The following P2RX1 variants were observed in gnomAD, a reference collection of about 807,000 sequenced individuals.
P2RX1 encodes purinergic receptor P2X 1, also known as P2X purinoceptor 1.
P2RX1 carries 42 observed loss-of-function variants against 50.3 expected under a neutral mutation model. The observed-to-expected ratio is 0.83, with a 90% CI of 0.65 to 1.08. P2RX1 has a LOEUF of 1.08. Ranked by LOEUF, P2RX1 falls within the 50% of genes least tolerant of loss-of-function variation. P2RX1 has a pLI of 0.00. For missense variants in P2RX1, 449 were observed against 529.0 expected, an observed-to-expected ratio of 0.85 and a Z score of 1.48; for synonymous variants, 199 against 202.6, an observed-to-expected ratio of 0.98 and a Z score of 0.15.
intron 3 of P2RX1, 26 bp from the exon 4 acceptor site, chr17:3,904,425 C>A (rs772300409): frequency 6.2e-7 from 1 of 1,607,020 alleles, no homozygotes; most frequent in East Asian, 2.2e-5. Flanking sequence ...GCTGCTGGTC[C>A]CAGGCCCCTT....
intron 1 of P2RX1, among the ~76,000 whole-genome samples, chr17:3,909,035 G>A (rs1157157824): frequency 6.6e-6 from 1 of 151,720 alleles, no homozygotes; most frequent in Non-Finnish European, 1.5e-5. Context: ...GCTTCTATGA[G>A]TTCTTTTTTT....
chr17:3,903,764 G>T lies in P2RX1; in HGVS notation c.525-133C>A, dbSNP rs2056201780. 3.6e-6 allele frequency: 4 copies of T among 1,124,952 alleles called. No individual in the cohort carries two copies. In the Admixed American group the frequency reaches 5.5e-5, roughly 16 times the overall value. The allele number at this position is 1,124,952 out of a possible 1,614,324, so 69.7% of individuals were successfully genotyped here. A position where few individuals can be genotyped will look rare whatever the true frequency, so the allele number is the denominator to read the frequency against. Reference sequence around the variant, plus strand: ...CAGCCCTGGGCTGGTGGAGGGGTGGGTGTGCTCTAGCGTGGCCAGGACCCA... The same window carrying T: ...CAGCCCTGGGCTGGTGGAGGGGTGGTTGTGCTCTAGCGTGGCCAGGACCCA... On this transcript the variant is annotated intron_variant, in intron 5 of 11. Transcript: ENST00000225538. The surrounding 1 kb of genome is among the most constrained non-coding windows in gnomAD (Gnocchi z 4.6).
chr17:3,904,492 TG>T, intron 3 of P2RX1, 93 bp from the exon 4 acceptor site: 1 of 1,094,512 alleles, frequency 9.1e-7, no homozygotes, highest in Non-Finnish European at 1.4e-6. Flanking sequence ...AGGGAGAGCG[TG>T]GGGCAGAGTC....
At chr17:3,900,547 TG>T (rs2056119515) in intron 7 of P2RX1, among the ~76,000 whole-genome samples, 1 of 152,176 alleles carries the variant, frequency 6.6e-6, no homozygotes, top group East Asian at 1.9e-4. Context: ...TCACCCTCAC[TG>T]GCCTTCCCTC....
intron 3 of P2RX1, 39 bp from the exon 4 acceptor site, chr17:3,904,438 G>A (rs1338215448): frequency 4.4e-6 from 7 of 1,584,064 alleles, no homozygotes; most frequent in African/African-American, 1.3e-5. Context: ...GGCCCCTTGG[G>A]TGGGGTCCTG....
At chr17:3,898,416 G>A (rs2056073196) in intron 10 of P2RX1, 68 bp downstream of exon 10, 1 of 1,255,202 alleles carries the variant, frequency 8.0e-7, no homozygotes, top group South Asian at 1.2e-5. Context: ...GGGACGTCTT[G>A]CTGCTACTGA....
Position 3,898,951 on chromosome 17 carries a change from T to C in P2RX1, c.949A>G (p.Ile317Val), listed in dbSNP as rs755892151. 1.9e-6 allele frequency: 3 copies of C among 1,613,718 alleles called. No individual in the cohort carries two copies. Among genetic ancestry groups the C allele is most frequent in the Non-Finnish European group, 2.5e-6 (3 of 1,179,778 alleles). ...ACACTCACCTTGCCGTCCACCAGGA[T>C]GTCAAAGCGAATCCCAAACACCTTG... ...LFKVFGIRFD[I>V]LVDGKAGKFD... Residue 317 changes from isoleucine (I) to valine (V), a missense_variant, in exon 9 of 12, where the codon ATC becomes GTC. Ile to Val is a conservative substitution (Grantham distance 29, BLOSUM62 3). Transcript: ENST00000225538.
intron 1 of P2RX1, chr17:3,915,454 T>G (rs1437825254): frequency 4.4e-6 from 2 of 456,476 alleles, no homozygotes; most frequent in Admixed American, 4.7e-5. Flanking sequence ...CGTCCCACGC[T>G]GCCTCTGATT....
chr17:3,907,088 T>C (rs1413757169), intron 1 of P2RX1, among the ~76,000 whole-genome samples: 1 of 152,244 alleles, frequency 6.6e-6, no homozygotes, highest in Non-Finnish European at 1.5e-5. Context: ...TTTGAGCACC[T>C]GGATTCAGCC....
chr17:3,915,361 C>T, intron 1 of P2RX1: 1 of 430,454 alleles, frequency 2.3e-6, no homozygotes, highest in Non-Finnish European at 4.7e-6. Flanking sequence ...CACATATAGG[C>T]ACAGAGCTCC....
At chr17:3,900,585 T>A (rs924197595) in intron 7 of P2RX1, among the ~76,000 whole-genome samples, 1 of 152,216 alleles carries the variant, frequency 6.6e-6, no homozygotes, top group African/African-American at 2.4e-5. Context: ...TCCAGCTCTC[T>A]GACCATTTCT....
Position 3,906,743 on chromosome 17 carries a change from G to T in P2RX1, c.138-1376C>A, listed in dbSNP as rs368370830. 2.8e-4 allele frequency among the ~76,000 whole-genome samples: 43 copies of T among 152,306 alleles called. No individual in the cohort carries two copies. The South Asian group carries it at 5.4e-3, about 19-fold the overall frequency. ...CGTTCCTTTGGATTCTCCACTTTCA[G>T]TCTGGAAGGTTCCATGAGGCTAACC... On this transcript the variant is annotated intron_variant, in intron 1 of 11. Transcript: ENST00000225538.
At chr17:3,898,888 CT>C in intron 9 of P2RX1, 45 bp downstream of exon 9, 1 of 1,457,458 alleles carries the variant, frequency 6.9e-7, no homozygotes, top group East Asian at 2.3e-5. Flanking sequence ...CTCACAGGAG[CT>C]GAGAATGTGT....
rs921141864 is a variant in P2RX1 at position 3,903,010 on chromosome 17, C to T, written c.747+192G>A. Among the ~76,000 whole-genome samples the T allele has an allele frequency of 6.6e-6, 1 of 151,948 alleles. No individual in the cohort carries two copies. Among genetic ancestry groups the T allele is most frequent in the South Asian group, 2.1e-4 (1 of 4,824 alleles). On this transcript the variant is annotated intron_variant, in intron 7 of 11. Coordinates refer to ENST00000225538, the MANE Select transcript of P2RX1 (RefSeq NM_002558.4). This position sits in a 1 kb window ranked among gnomAD's most constrained non-coding sequence, Gnocchi z 4.6. ...ATCCGTTCATTCTGGGCACCTCCTT[C>T]GTGCCAGTTCCATGCCAGGACCTGC...
At chr17:3,899,562 T>C in intron 8 of P2RX1, 72 bp downstream of exon 8, 2 of 1,590,642 alleles carry the variant, frequency 1.3e-6, no homozygotes, top group East Asian at 2.3e-5. Context: ...TTCTCAGACC[T>C]GAAGTGTTCT....
At chr17:3,901,270 T>C (rs2056137446) in intron 7 of P2RX1, among the ~76,000 whole-genome samples, 1 of 152,204 alleles carries the variant, frequency 6.6e-6, no homozygotes, top group Non-Finnish European at 1.5e-5. Context: ...GGTTTCACCG[T>C]GTTAGCCAGG....
intron 1 of P2RX1, among the ~76,000 whole-genome samples, chr17:3,905,838 A>C (rs2056252429): frequency 7.4e-6 from 1 of 135,232 alleles, no homozygotes; most frequent in Non-Finnish European, 1.6e-5. Flanking sequence ...CAAGAGCAAA[A>C]TTCTGTCTCA....
At chr17:3,909,124 G>A (rs1201850769) in intron 1 of P2RX1, among the ~76,000 whole-genome samples, 2 of 151,960 alleles carry the variant, frequency 1.3e-5, no homozygotes, top group Non-Finnish European at 2.9e-5. Context: ...TCCACCTCCC[G>A]GGTTCAAGCA....
Position 3,897,492 on chromosome 17 carries a change from G to A in P2RX1, c.*322C>T, listed in dbSNP as rs984824603. 3 of 478,036 alleles carry A rather than the reference G, an allele frequency of 6.3e-6. No individual in the cohort carries two copies. Among genetic ancestry groups the A allele is most frequent in the Admixed American group, 3.3e-5 (1 of 30,256 alleles). 29.6% of individuals were successfully genotyped at this position (478,036 alleles called of 1,614,324 possible). A position where few individuals can be genotyped will look rare whatever the true frequency, so the allele number is the denominator to read the frequency against. On this transcript the variant is annotated 3_prime_UTR_variant, in exon 12 of 12. Coordinates refer to ENST00000225538, the MANE Select transcript of P2RX1 (RefSeq NM_002558.4). ...ACAGATCTAGAGAAATGGAGGCAGCGGGTTGGATAATGAGAGTCCGGAGAG... is the reference window on the plus strand; with the variant it reads ...ACAGATCTAGAGAAATGGAGGCAGCAGGTTGGATAATGAGAGTCCGGAGAG...
Sources: allele counts gnomAD v4.1 joint callset (sites outside exome capture counted in the v4.1 genomes callset), GRCh38; gene constraint gnomAD v4.1.1; non-coding constraint Gnocchi (gnomAD v3.1); transcripts MANE v1.5; gene names NCBI Gene and HGNC (gene_info 2026-07-23, HGNC 2026-07-21).